Variants in MAP4K4 observed in about 807,000 individuals in gnomAD.
MAP4K4 encodes HPK/GCK-like kinase HGK.
Under a neutral mutation model 189.6 loss-of-function variants are expected in MAP4K4, and 38 were observed. That is an observed-to-expected ratio of 0.20 (90% CI 0.15 to 0.26). MAP4K4 has a LOEUF of 0.26. Ranked by LOEUF, MAP4K4 falls within the 10% of genes least tolerant of loss-of-function variation. MAP4K4 has a pLI of 1.00. For synonymous variants in MAP4K4, 610 were observed against 624.3 expected, an observed-to-expected ratio of 0.98 and a Z score of 0.34; for missense variants, 1,054 against 1,726.9, an observed-to-expected ratio of 0.61 and a Z score of 6.91.
intron 27 of MAP4K4, among the ~76,000 whole-genome samples, chr2:101,879,437 C>T (rs576599915): frequency 8.6e-5 from 13 of 151,910 alleles, no homozygotes; most frequent in East Asian, 1.9e-4. Flanking sequence ...TTATATTTCC[C>T]TCTCCTTTTC....
intron 2 of MAP4K4, among the ~76,000 whole-genome samples, chr2:101,761,409 T>C (rs2076326241): frequency 6.6e-6 from 1 of 152,144 alleles, no homozygotes; most frequent in South Asian, 2.1e-4. Context: ...GGCCCAGTCA[T>C]CTAGCATACA....
At position 101,870,688 on chromosome 2, in the gene MAP4K4, T is replaced by TGAGCGGGA. The variant is rs1472462250; in HGVS notation, c.2760+277_2760+284dup. 16 of 339,292 alleles carry TGAGCGGGA rather than the reference T, an allele frequency of 4.7e-5. No individual in the cohort carries two copies. The East Asian group carries it at 1.1e-3, about 22-fold the overall frequency. 21.0% of individuals were successfully genotyped at this position (339,292 alleles called of 1,614,324 possible). A position where few individuals can be genotyped will look rare whatever the true frequency, so the allele number is the denominator to read the frequency against. The stretch of plus-strand genomic sequence containing the variant: ...CGCGCTGAGTCTCACAGTCTATGTC[T>TGAGCGGGA]GAGCGGGAGAGAAGCCACAGGGAGT... On this transcript the variant is annotated intron_variant, in intron 23 of 32. Transcript: ENST00000324219.
At chr2:101,806,516 C>T (rs764610121) in intron 3 of MAP4K4, among the ~76,000 whole-genome samples, 29 of 152,044 alleles carry the variant, frequency 1.9e-4, no homozygotes, top group Non-Finnish European at 2.9e-4. Context: ...GCTGGGACTA[C>T]AGGCACGTGC....
chr2:101,817,217 G>C (rs1413865427), intron 3 of MAP4K4, among the ~76,000 whole-genome samples: 2 of 152,126 alleles, frequency 1.3e-5, no homozygotes, highest in Admixed American at 6.5e-5. Context: ...TCAACTGTCA[G>C]GATTCCTGGG....
intron 2 of MAP4K4, among the ~76,000 whole-genome samples, chr2:101,722,057 T>C (rs960534290): frequency 2.6e-4 from 39 of 152,250 alleles, no homozygotes; most frequent in African/African-American, 8.4e-4. Context: ...TAGAGGAAGA[T>C]AGTAGGAGAG....
Position 101,844,367 on chromosome 2 carries a change from T to A in MAP4K4, c.1233+56T>A, listed in dbSNP as rs376360256. ...GTCTTTTCTCTTTCTGCATTTACAC[T>A]GGTAGTTAGCCACTCAGAGGAATAT... is the stretch of plus-strand genomic sequence containing the variant. On this transcript the variant is annotated intron_variant, in intron 12 of 32. Coordinates refer to ENST00000324219, the Ensembl canonical transcript of MAP4K4. 1.5e-5 allele frequency: 21 copies of A among 1,424,090 alleles called. No homozygotes were observed. The East Asian group carries it at 3.0e-4, about 20-fold the overall frequency. 88.2% of individuals were successfully genotyped at this position (1,424,090 alleles called of 1,614,324 possible). A position where few individuals can be genotyped will look rare whatever the true frequency, so the allele number is the denominator to read the frequency against.
intron 2 of MAP4K4, among the ~76,000 whole-genome samples, chr2:101,765,031 A>G (rs2078013193): frequency 6.6e-6 from 1 of 152,248 alleles, no homozygotes; most frequent in Admixed American, 6.5e-5. Context: ...TTAAGTAAGC[A>G]AGGTAAACTT....
chr2:101,824,724 A>G (rs564735509), intron 4 of MAP4K4, among the ~76,000 whole-genome samples: 2 of 152,214 alleles, frequency 1.3e-5, no homozygotes, highest in Non-Finnish European at 2.9e-5. Flanking sequence ...TACTGTTACT[A>G]TTGCCCAAGT....
At chr2:101,884,074 T>C (rs2098447569) in intron 28 of MAP4K4, among the ~76,000 whole-genome samples, 1 of 152,162 alleles carries the variant, frequency 6.6e-6, no homozygotes, top group Non-Finnish European at 1.5e-5. Context: ...TCTGTTGGGC[T>C]TTTCCCCAGA....
At chr2:101,760,520 A>G (rs1439030458) in intron 2 of MAP4K4, among the ~76,000 whole-genome samples, 19 of 115,928 alleles carry the variant, frequency 1.6e-4, no homozygotes, top group African/African-American at 3.2e-4. Flanking sequence ...ATATATATAT[A>G]TATGTATATA....
At chr2:101,796,054 G>A (rs1363399025) in intron 3 of MAP4K4, among the ~76,000 whole-genome samples, 2 of 152,156 alleles carry the variant, frequency 1.3e-5, no homozygotes, top group African/African-American at 4.8e-5. Context: ...ATGTCAGATG[G>A]GGATGAAACG....
intron 2 of MAP4K4, among the ~76,000 whole-genome samples, chr2:101,751,006 G>C (rs2068625587): frequency 6.6e-6 from 1 of 152,132 alleles, no homozygotes; most frequent in African/African-American, 2.4e-5. Flanking sequence ...AGGCTCCACA[G>C]CCTGGGCACA....
chr2:101,779,288 A>AT (rs2086028461), intron 2 of MAP4K4, among the ~76,000 whole-genome samples: 1 of 152,098 alleles, frequency 6.6e-6, no homozygotes, highest in Admixed American at 6.5e-5. Context: ...TCTTTTAGTT[A>AT]TGTAATGTGA....
intron 2 of MAP4K4, among the ~76,000 whole-genome samples, chr2:101,742,407 T>A (rs1395335049): frequency 6.6e-6 from 1 of 152,102 alleles, no homozygotes; most frequent in Non-Finnish European, 1.5e-5. Context: ...ATAAATTGCC[T>A]CTTTCCTGCT....
chr2:101,813,382 C>T (rs1046279228), intron 3 of MAP4K4, among the ~76,000 whole-genome samples: 1 of 152,156 alleles, frequency 6.6e-6, no homozygotes, highest in South Asian at 2.1e-4. Context: ...GTAGCCGGGA[C>T]CTGCAGCAGT....
chr2:101,779,196 T>G (rs2150508172), intron 2 of MAP4K4, among the ~76,000 whole-genome samples: 1 of 152,210 alleles, frequency 6.6e-6, no homozygotes. Context: ...GTTTGTTTAT[T>G]GATAGGGAGG....
rs70946662 is a variant in MAP4K4 at position 101,729,077 on chromosome 2, G to GAAGA, written c.123+30539_123+30540insAAGA. 1.3e-3 allele frequency among the ~76,000 whole-genome samples: 163 copies of GAAGA among 128,732 alleles called. 3 individuals carry two copies. The highest frequency in any genetic ancestry group is 6.8e-3 in the South Asian group (27 of 3,996). The allele number at this position is 128,732 out of a possible 152,430, so 84.5% of individuals were successfully genotyped here. On this transcript the variant is annotated intron_variant, in intron 2 of 32. Coordinates refer to ENST00000324219, the Ensembl canonical transcript of MAP4K4. ...ATGGCTCAGAAAATGATTAGAGAGA[G>GAAGA]GAGAGAGAGAGAGAGAGAGAGAGAG...
At position 101,861,196 on chromosome 2, in the gene MAP4K4, G is replaced by A. The variant is rs62153660; in HGVS notation, c.1866+210G>A. The A allele has an allele frequency of 0.17, 74,396 of 435,084 alleles. 5,963 individuals are homozygous for A. Among genetic ancestry groups the A allele is most frequent in the South Asian group, 0.28 (5,395 of 19,208 alleles). The allele number at this position is 435,084 out of a possible 1,614,324, so 27.0% of individuals were successfully genotyped here. A position where few individuals can be genotyped will look rare whatever the true frequency, so the allele number is the denominator to read the frequency against. ...TTTGAGATTTCTATGTACTCATTAA[G>A]AGTATCTAGAGTGAGTGATTTCTTC... On this transcript the variant is annotated intron_variant, in intron 16 of 32. Coordinates refer to ENST00000324219, the Ensembl canonical transcript of MAP4K4.
At chr2:101,698,580 A>G (rs1189085175) in intron 2 of MAP4K4, 42 bp downstream of exon 2, 3 of 1,583,614 alleles carry the variant, frequency 1.9e-6, no homozygotes, top group Non-Finnish European at 2.6e-6. Context: ...GCATGTGGAA[A>G]CTTCTTATTG....
Sources: gnomAD v4.1 joint callset for allele counts (sites outside exome capture counted in the v4.1 genomes callset) on GRCh38, gnomAD v4.1.1 for gene constraint, MANE v1.5 for transcripts, NCBI Gene and HGNC (gene_info 2026-07-23, HGNC 2026-07-21) for gene names.